Variants in ZNF333 observed in about 807,000 individuals in gnomAD.
ZNF333 encodes zinc finger protein 333.
Under a neutral mutation model 76.1 loss-of-function variants are expected in ZNF333, and 61 were observed. The observed-to-expected ratio is 0.80, with a 90% CI of 0.65 to 0.99. ZNF333 has a LOEUF of 0.99. Among genes scored for constraint, ZNF333 ranks in the 50% least tolerant of loss-of-function variants. The pLI, the probability that ZNF333 is intolerant of heterozygous loss-of-function variation, is 0.00. For synonymous variants in ZNF333, 284 were observed against 305.0 expected, an observed-to-expected ratio of 0.93 and a Z score of 0.72; for missense variants, 717 against 822.4, an observed-to-expected ratio of 0.87 and a Z score of 1.57.
rs2042541356 is a variant in ZNF333 at position 14,719,434 on chromosome 19, G to A, written c.*109G>A. On this transcript the variant is annotated 3_prime_UTR_variant, in exon 12 of 12. Coordinates refer to ENST00000292530, the MANE Select transcript of ZNF333 (RefSeq NM_032433.4). ...ATAATATTTTCATTTTGGTTTAATT[G>A]TAAGTATTGTCTTAACCTCCATTAT... 6 of 1,279,698 alleles carry A rather than the reference G, an allele frequency of 4.7e-6. No homozygotes were observed. The highest frequency in any genetic ancestry group is 6.3e-6 in the Non-Finnish European group (6 of 955,036). 79.3% of individuals were successfully genotyped at this position (1,279,698 alleles called of 1,614,324 possible).
At chr19:14,702,141 G>A (rs897059025) in intron 5 of ZNF333, among the ~76,000 whole-genome samples, 5 of 152,144 alleles carry the variant, frequency 3.3e-5, no homozygotes, top group African/African-American at 4.8e-5. Context: ...GACAGATTGA[G>A]TCCCCATGGC....
At chr19:14,694,275 C>A (rs1973000695) in intron 2 of ZNF333, among the ~76,000 whole-genome samples, 1 of 152,056 alleles carries the variant, frequency 6.6e-6, no homozygotes, top group South Asian at 2.1e-4. Flanking sequence ...GAGTTCAAGA[C>A]CAGCCTGGCC....
rs3885179 is a variant in ZNF333, at chr19:14,717,018, C to A, written c.752C>A (p.Ala251Glu). Reference protein sequence around the residue: ...SVADQLCKPNALSYLEERGEQ... With the variant: ...SVADQLCKPNELSYLEERGEQ... ...GCTGATCAACTGTGCAAACCCAATG[C>A]GTTGTCTTATTTGGAAGAAAGAGGA... The change falls in exon 10 of 12, where the codon GCG becomes GAG. Residue 251 changes from alanine (A) to glutamate (E), a missense_variant. Ala to Glu is a moderately radical substitution (Grantham distance 107, BLOSUM62 -1). Transcript: ENST00000292530. 0.042 allele frequency: 68,093 copies of A among 1,611,552 alleles called. 1,649 individuals are homozygous for A. Among genetic ancestry groups the A allele is most frequent in the East Asian group, 0.097 (4,325 of 44,812 alleles).
At chr19:14,698,929 T>TAG (rs1164090491) in intron 4 of ZNF333, among the ~76,000 whole-genome samples, 9 of 137,592 alleles carry the variant, frequency 6.5e-5, no homozygotes, top group African/African-American at 2.2e-4. Context: ...TATATATATA[T>TAG]ATATATACAC....
intron 11 of ZNF333, 95 bp from the exon 12 acceptor site, chr19:14,718,133 A>G (rs1169679242): frequency 5.4e-6 from 8 of 1,484,612 alleles, no homozygotes; most frequent in Non-Finnish European, 7.2e-6. Flanking sequence ...AGTATCAGAT[A>G]TAGAACTGTC....
intron 11 of ZNF333, among the ~76,000 whole-genome samples, chr19:14,727,280 G>A (rs1472338041): frequency 1.3e-5 from 2 of 152,128 alleles, no homozygotes; most frequent in East Asian, 1.9e-4. Flanking sequence ...CGCCCGCCTT[G>A]GCCTCCCAAA....
downstream of ZNF333, among the ~76,000 whole-genome samples, chr19:14,726,573 A>G (rs1470382400): frequency 6.6e-6 from 1 of 152,188 alleles, no homozygotes; most frequent in Non-Finnish European, 1.5e-5. Flanking sequence ...ATCTGACTGT[A>G]AGCTGTTAGA....
chr19:14,716,935 C>A, intron 9 of ZNF333, 59 bp from the exon 10 acceptor site: 1 of 1,487,636 alleles, frequency 6.7e-7, no homozygotes, highest in Non-Finnish European at 9.2e-7. Flanking sequence ...AGAATATCGG[C>A]CCTGGTGTCA....
chr19:14,709,427 G>A (rs2042214826), intron 7 of ZNF333, among the ~76,000 whole-genome samples: 1 of 152,186 alleles, frequency 6.6e-6, no homozygotes, highest in African/African-American at 2.4e-5. Flanking sequence ...TAGGGGTTAA[G>A]ACTTCAAGAT....
intron 7 of ZNF333, among the ~76,000 whole-genome samples, chr19:14,713,330 C>G (rs747728838): frequency 9.2e-5 from 14 of 152,150 alleles, no homozygotes; most frequent in South Asian, 2.1e-4. Context: ...AACAAATCCT[C>G]TATGGTTGGA....
intron 11 of ZNF333, chr19:14,731,094 T>G (rs1289650388): frequency 1.1e-5 from 12 of 1,076,368 alleles, no homozygotes; most frequent in Middle Eastern, 2.0e-4. Context: ...TCCTGCCCCC[T>G]CCCCCCAAGG....
chr19:14,708,474 A>G (rs2042181967), intron 7 of ZNF333: 2 of 384,912 alleles, frequency 5.2e-6, no homozygotes, highest in Non-Finnish European at 9.0e-6. Flanking sequence ...GAAGTGTGTT[A>G]TACAAGGACT....
chr19:14,690,504 G>T (rs192068672), intron 1 of ZNF333, among the ~76,000 whole-genome samples: 4 of 152,204 alleles, frequency 2.6e-5, no homozygotes, highest in Non-Finnish European at 2.9e-5. Context: ...CTTGCCTACA[G>T]TATGCAAGAT....
At position 14,720,449 on chromosome 19, in the gene ZNF333, G is replaced by A. The variant is rs1001565724; in HGVS notation, c.*1124G>A. The A allele has an allele frequency of 2.0e-6, 2 of 985,340 alleles. No homozygotes were observed. Among genetic ancestry groups the A allele is most frequent in the Non-Finnish European group, 2.4e-6 (2 of 829,950 alleles). 61.0% of individuals were successfully genotyped at this position (985,340 alleles called of 1,614,324 possible). A position where few individuals can be genotyped will look rare whatever the true frequency, so the allele number is the denominator to read the frequency against. On this transcript the variant is annotated 3_prime_UTR_variant, in exon 12 of 12. Transcript: ENST00000292530. The stretch of plus-strand genomic sequence containing the variant: ...CCGCAAGCTAAGAAGAGGGTGGCCG[G>A]AAGTCATAACCATCTTGCTTCTGTA...
chr19:14,704,936 C>CT (rs1429669750), intron 5 of ZNF333, 118 bp from the exon 6 acceptor site: 2 of 872,604 alleles, frequency 2.3e-6, no homozygotes, highest in Admixed American at 2.3e-5. Context: ...AGCCACTGCA[C>CT]CCATCCCCAT....
At chr19:14,692,081 C>G (rs1388626614) in intron 1 of ZNF333, among the ~76,000 whole-genome samples, 1 of 152,078 alleles carries the variant, frequency 6.6e-6, no homozygotes, top group African/African-American at 2.4e-5. Flanking sequence ...ACTGGGGTGC[C>G]CTCAATGAAT....
At chr19:14,717,245 C>A in intron 10 of ZNF333, 156 bp downstream of exon 10, 1 of 600,084 alleles carries the variant, frequency 1.7e-6, no homozygotes. Context: ...TCCTTTTTCC[C>A]TTTCCTTTTT....
rs375702335 is a variant in ZNF333, at chr19:14,694,967, T to C, written c.4-43T>C. The C allele has an allele frequency of 4.8e-4, 767 of 1,612,248 alleles. 1 individual carries two copies. The highest frequency in any genetic ancestry group is 6.1e-4 in the Non-Finnish European group (721 of 1,178,678). ...GATAACCAGTCGTTCTGCTCAGTGG[T>C]GGGGGTGGTATTTGCCGAGCCAGAA... On this transcript the variant is annotated intron_variant, in intron 2 of 11. Coordinates refer to ENST00000292530, the MANE Select transcript of ZNF333 (RefSeq NM_032433.4).
intron 11 of ZNF333, among the ~76,000 whole-genome samples, chr19:14,729,023 G>C (rs2042651092): frequency 6.6e-6 from 1 of 152,186 alleles, no homozygotes; most frequent in African/African-American, 2.4e-5. Flanking sequence ...GTGCAGTTTT[G>C]AAGGGTATGT....
Sources: gnomAD v4.1 joint callset for allele counts (sites outside exome capture counted in the v4.1 genomes callset) on GRCh38, gnomAD v4.1.1 for gene constraint, MANE v1.5 for transcripts, NCBI Gene and HGNC (gene_info 2026-07-23, HGNC 2026-07-21) for gene names.